The following HERC2 variants were observed in gnomAD, a reference collection of about 807,000 sequenced individuals.
HERC2 encodes the protein E3 ubiquitin-protein ligase HERC2.
In HERC2, 102 loss-of-function variants were observed where a neutral mutation model predicts 537.7. The ratio of observed to expected loss-of-function variants is 0.19; its 90% confidence interval spans 0.16 to 0.22. The LOEUF (loss-of-function observed/expected upper bound fraction) is 0.22, where lower values mean the gene tolerates loss of function less well. HERC2 is among the 10% of genes least tolerant of loss of function. The pLI is 1.00. For synonymous variants in HERC2, 2,224 were observed against 2,466.2 expected, an observed-to-expected ratio of 0.90 and a Z score of 2.91; for missense variants, 4,236 against 6,198.2, an observed-to-expected ratio of 0.68 and a Z score of 10.63.
At chr15:28,171,619 A>G (rs1196964441) in intron 65 of HERC2, among the ~76,000 whole-genome samples, 1 of 152,134 alleles carries the variant, frequency 6.6e-6, no homozygotes, top group South Asian at 2.1e-4. Flanking sequence ...TATTTGTATG[A>G]CAAGATGAAG....
chr15:28,146,817 G>A (rs1277422032), intron 70 of HERC2, among the ~76,000 whole-genome samples: 1 of 142,260 alleles, frequency 7.0e-6, no homozygotes, highest in Non-Finnish European at 1.5e-5. Context: ...TGTGAGAGGT[G>A]TGCGAGCAGA....
intron 56 of HERC2, among the ~76,000 whole-genome samples, chr15:28,185,381 T>C (rs1488726940): frequency 6.6e-6 from 1 of 152,164 alleles, no homozygotes; most frequent in East Asian, 1.9e-4. Flanking sequence ...AGGGCCCCGG[T>C]CACACTAGCA....
chr15:28,304,755 A>G (rs1473092723), intron 2 of HERC2, among the ~76,000 whole-genome samples: 2 of 124,654 alleles, frequency 1.6e-5, no homozygotes, highest in Admixed American at 1.9e-4. Context: ...ACATGTGCAC[A>G]TTGCGCAGGT....
At chr15:28,292,451 C>A (rs1005000396) in intron 4 of HERC2, among the ~76,000 whole-genome samples, 22 of 152,200 alleles carry the variant, frequency 1.4e-4, no homozygotes, top group African/African-American at 5.3e-4. Flanking sequence ...GAAATGGGAA[C>A]CTTAGTATAC....
In HERC2 at chr15:28,116,523, G is replaced by A. The variant is rs1888273442; in HGVS notation, c.13609+142C>T. ...TGAGCCACCGCGCCTCACCCTAAAA[G>A]TCATTTTTATTGGTAACAGTCTCAA... On this transcript the variant is annotated intron_variant, in intron 88 of 92. Coordinates refer to ENST00000261609, the MANE Select transcript of HERC2 (RefSeq NM_004667.6). The A allele has an allele frequency of 6.5e-6, 6 of 928,552 alleles. 1 individual carries two copies. In the South Asian group the frequency reaches 8.5e-5, roughly 13 times the overall value. The allele number at this position is 928,552 out of a possible 1,614,324, so 57.5% of individuals were successfully genotyped here. A position where few individuals can be genotyped will look rare whatever the true frequency, so the allele number is the denominator to read the frequency against.
chr15:28,316,222 C>CA (rs869089875), intron 2 of HERC2, among the ~76,000 whole-genome samples: 6,556 of 48,426 alleles, frequency 0.14, 371 homozygotes, highest in Non-Finnish European at 0.22. Flanking sequence ...GACTCTGTCT[C>CA]AAAAAAAAAA....
intron 26 of HERC2, among the ~76,000 whole-genome samples, chr15:28,235,574 G>A (rs994673756): frequency 2.7e-4 from 41 of 152,276 alleles, no homozygotes; most frequent in Admixed American, 3.3e-4. Context: ...AGCAGCAGGA[G>A]AGCCCTGCTC....
chr15:28,156,760 T>C (rs904959036), intron 69 of HERC2, among the ~76,000 whole-genome samples: 13 of 152,340 alleles, frequency 8.5e-5, no homozygotes, highest in South Asian at 2.1e-4. Flanking sequence ...TCCTGCCTGA[T>C]TGCCCTGGCC....
intron 85 of HERC2, among the ~76,000 whole-genome samples, chr15:28,121,854 C>T (rs934570922): frequency 5.3e-5 from 8 of 151,128 alleles, no homozygotes; most frequent in Non-Finnish European, 7.4e-5. Flanking sequence ...ACAGCAGCCA[C>T]GGGCCAGGGA....
chr15:28,147,043 G>A (rs530597221), intron 70 of HERC2, among the ~76,000 whole-genome samples: 1 of 141,756 alleles, frequency 7.1e-6, no homozygotes, highest in African/African-American at 2.7e-5. Context: ...CGCAGGAGGT[G>A]GGGAGTGGAA....
Position 28,265,829 on chromosome 15 carries a change from G to A in HERC2, c.1744C>T (p.Arg582Trp), listed in dbSNP as rs2075550676. The change falls in exon 13 of 93, where the codon CGG (arginine) becomes TGG (tryptophan). Residue 582 changes from arginine (R) to tryptophan (W), a missense_variant. Coordinates refer to ENST00000261609, the MANE Select transcript of HERC2 (RefSeq NM_004667.6). This position sits in a 1 kb window ranked among gnomAD's most constrained non-coding sequence, Gnocchi z 4.0. ...AGAGCAGACGTACCATGGCCCAGCC[G>A]GCCGTAGTTCCCGCGGCCCCAGGTG... is the stretch of plus-strand genomic sequence containing the variant. ...LYTWGRGNYG[R>W]LGHGSSEDEA... 1.2e-6 allele frequency: 2 copies of A among 1,614,100 alleles called. No individual in the cohort carries two copies. The highest frequency in any genetic ancestry group is 1.1e-5 in the South Asian group (1 of 91,078).
chr15:28,291,770 T>G (rs2076319039), intron 4 of HERC2, among the ~76,000 whole-genome samples: 1 of 151,714 alleles, frequency 6.6e-6, no homozygotes, highest in African/African-American at 2.4e-5. Context: ...CCGGGTGTGG[T>G]GGTGCACGCC....
chr15:28,182,390 G>A lies in HERC2; in HGVS notation c.8937+11C>T, dbSNP rs1487257856. The A allele has an allele frequency of 6.3e-7, 1 of 1,599,216 alleles. No homozygotes were observed. Among genetic ancestry groups the A allele is most frequent in the Non-Finnish European group, 8.6e-7 (1 of 1,167,168 alleles). The stretch of plus-strand genomic sequence containing the variant: ...GCCCCACCCTGCTGGGTCCCAGGGA[G>A]CAGGCCGTACCTTGGAGCCTTTCAG... On this transcript the variant is annotated intron_variant, in intron 57 of 92. Transcript: ENST00000261609.
chr15:28,117,870 G>A (rs942487462), intron 86 of HERC2: 8 of 309,570 alleles, frequency 2.6e-5, no homozygotes, highest in Non-Finnish European at 5.1e-5. Flanking sequence ...TCGGCACATC[G>A]GAGGGCAGGT....
chr15:28,167,263 G>T (rs1430794470), intron 68 of HERC2, among the ~76,000 whole-genome samples: 1 of 152,196 alleles, frequency 6.6e-6, no homozygotes, highest in Non-Finnish European at 1.5e-5. Flanking sequence ...TCAGCAATGC[G>T]TGAGTCCTAA....
At chr15:28,217,244 C>T (rs1290693031) in intron 38 of HERC2, among the ~76,000 whole-genome samples, 1 of 152,128 alleles carries the variant, frequency 6.6e-6, no homozygotes, top group African/African-American at 2.4e-5. Context: ...CTCATGCTCA[C>T]CCTCACACAC....
At chr15:28,188,991 G>A (rs897488923) in intron 55 of HERC2, among the ~76,000 whole-genome samples, 1 of 152,086 alleles carries the variant, frequency 6.6e-6, no homozygotes, top group Admixed American at 6.6e-5. Context: ...GGAAGGCTGC[G>A]GCAGGAGAAT....
chr15:28,218,728 C>A lies in HERC2; in HGVS notation c.5846-57G>T. The A allele has an allele frequency of 1.4e-5, 19 of 1,378,996 alleles. No homozygotes were observed. In the South Asian group the frequency reaches 2.2e-4, roughly 16 times the overall value. 85.4% of individuals were successfully genotyped at this position (1,378,996 alleles called of 1,614,324 possible). On this transcript the variant is annotated intron_variant, in intron 37 of 92. Coordinates refer to ENST00000261609, the MANE Select transcript of HERC2 (RefSeq NM_004667.6). Reference sequence around the variant, plus strand: ...TTCCCAAGTAAAACTGGAAGATAGTCCTGCATATAATTCAACAGCTTTAAT... The same window carrying A: ...TTCCCAAGTAAAACTGGAAGATAGTACTGCATATAATTCAACAGCTTTAAT...
chr15:28,271,946 C>T (rs561933323), intron 9 of HERC2: 9 of 482,262 alleles, frequency 1.9e-5, no homozygotes, highest in East Asian at 7.1e-5. Context: ...CAAAGCAGGC[C>T]GCTATTTTCG....
Sources: allele counts gnomAD v4.1 joint callset (sites outside exome capture counted in the v4.1 genomes callset), GRCh38; gene constraint gnomAD v4.1.1; non-coding constraint Gnocchi (gnomAD v3.1); transcripts MANE v1.5; gene names NCBI Gene and HGNC (gene_info 2026-07-23, HGNC 2026-07-21).